The following PSMD12 variants were observed in gnomAD, a reference collection of about 807,000 sequenced individuals.
PSMD12 encodes the protein proteasome 26S subunit, non-ATPase 12.
In PSMD12, 8 loss-of-function variants were observed where a neutral mutation model predicts 62.9. The observed-to-expected ratio is 0.13, with a 90% CI of 0.07 to 0.23. The LOEUF (loss-of-function observed/expected upper bound fraction) is 0.23, where lower values mean the gene tolerates loss of function less well. PSMD12 is among the 10% of genes least tolerant of loss of function. The probability of loss-of-function intolerance (pLI) is 1.00; values close to 1 mark genes in which losing one functional copy is unlikely to be tolerated. For missense variants in PSMD12, 424 were observed against 550.2 expected, an observed-to-expected ratio of 0.77 and a Z score of 2.29; for synonymous variants, 173 against 187.4, an observed-to-expected ratio of 0.92 and a Z score of 0.63.
At chr17:67,344,864 C>A in intron 8 of PSMD12, 84 bp from the exon 9 acceptor site, 1 of 1,181,924 alleles carries the variant, frequency 8.5e-7, no homozygotes, top group South Asian at 2.0e-5. Context: ...AAAAATTCAG[C>A]AAAGACTGTT....
In PSMD12 at chr17:67,339,303, G is replaced by A. The variant is rs1381404651; in HGVS notation, c.*1540C>T. On this transcript the variant is annotated 3_prime_UTR_variant, in exon 11 of 11. Transcript: ENST00000356126. ...TTGTATTTTTTTTAGTAGAGACAGG[G>A]TTTTGCCATGTTGGCCAGGCTAGTC... is the stretch of plus-strand genomic sequence containing the variant. 2 of 152,106 alleles carry A rather than the reference G, an allele frequency of 1.3e-5. No homozygotes were observed. The highest frequency in any genetic ancestry group is 4.8e-5 in the African/African-American group (2 of 41,412). 9.4% of individuals were successfully genotyped at this position (152,106 alleles called of 1,614,324 possible).
chr17:67,360,462 GACTCT>G (rs1219338648), intron 1 of PSMD12, among the ~76,000 whole-genome samples: 1 of 152,150 alleles, frequency 6.6e-6, no homozygotes, highest in African/African-American at 2.4e-5. Flanking sequence ...CAACCATACT[GACTCT>G]ACTCTGCAAT....
intron 1 of PSMD12, among the ~76,000 whole-genome samples, chr17:67,364,901 T>C (rs1274432635): frequency 6.6e-6 from 1 of 152,156 alleles, no homozygotes; most frequent in Non-Finnish European, 1.5e-5. Context: ...TTCAGGTTTT[T>C]GGCCAGCCGC....
At position 67,356,006 on chromosome 17, in the gene PSMD12, A is replaced by G. The variant is rs540867225; in HGVS notation, c.297+1297T>C. On this transcript the variant is annotated intron_variant, in intron 3 of 10. Transcript: ENST00000356126. ...CACACACACACACACACACACACAC[A>G]CACGCACACACACACAAGATTAAAT... 8.1e-3 allele frequency among the ~76,000 whole-genome samples: 1,205 copies of G among 149,382 alleles called. 15 individuals are homozygous for G. Among genetic ancestry groups the G allele is most frequent in the African/African-American group, 0.027 (1,109 of 40,364 alleles).
At chr17:67,345,396 C>G (rs889173212) in intron 8 of PSMD12, among the ~76,000 whole-genome samples, 1 of 152,208 alleles carries the variant, frequency 6.6e-6, no homozygotes, top group African/African-American at 2.4e-5. Flanking sequence ...AATCCCAGCA[C>G]TTTGGGTGGC....
intron 4 of PSMD12, among the ~76,000 whole-genome samples, chr17:67,349,970 T>C (rs536780142): frequency 6.6e-6 from 1 of 152,198 alleles, no homozygotes; most frequent in Non-Finnish European, 1.5e-5. Context: ...TCATTTTTTT[T>C]AAAGTCACAT....
intron 1 of PSMD12, among the ~76,000 whole-genome samples, chr17:67,358,047 G>A (rs1346294298): frequency 6.6e-6 from 1 of 151,968 alleles, no homozygotes; most frequent in East Asian, 1.9e-4. Context: ...TCAGCCTCCG[G>A]AGCAGGTGGG....
At chr17:67,353,892 A>T (rs2042042468) in intron 3 of PSMD12, among the ~76,000 whole-genome samples, 1 of 152,116 alleles carries the variant, frequency 6.6e-6, no homozygotes, top group African/African-American at 2.4e-5. Context: ...TCCTTCTTTC[A>T]CATTTCTTTG....
At chr17:67,356,505 C>A (rs2042073946) in intron 3 of PSMD12, among the ~76,000 whole-genome samples, 2 of 124,474 alleles carry the variant, frequency 1.6e-5, no homozygotes, top group Admixed American at 1.9e-4. Context: ...TTGCAGTGAG[C>A]CGAGATCGCG....
chr17:67,338,088 G>A lies in PSMD12; in HGVS notation c.*2755C>T, dbSNP rs2041875731. 6.6e-6 allele frequency: 1 copy of A among 152,070 alleles called. No individual in the cohort carries two copies. Among genetic ancestry groups the A allele is most frequent in the East Asian group, 1.9e-4 (1 of 5,190 alleles). The allele number at this position is 152,070 out of a possible 1,614,324, so 9.4% of individuals were successfully genotyped here. On this transcript the variant is annotated 3_prime_UTR_variant, in exon 11 of 11. Coordinates refer to ENST00000356126, the MANE Select transcript of PSMD12 (RefSeq NM_002816.5). ...GTTTGAATTTTAAAGATGTTTTTCA[G>A]ATTCAGTAACATATGGAAATTGAGG...
intron 5 of PSMD12, among the ~76,000 whole-genome samples, chr17:67,348,096 G>C (rs1262300172): frequency 6.6e-6 from 1 of 152,140 alleles, no homozygotes; most frequent in East Asian, 1.9e-4. Context: ...TTTGTAGACT[G>C]GGTTTACGTA....
intron 4 of PSMD12, 22 bp downstream of exon 4, chr17:67,350,207 G>C: frequency 6.6e-7 from 1 of 1,506,220 alleles, no homozygotes; most frequent in Non-Finnish European, 9.2e-7. Context: ...ATCATTTTGA[G>C]TTATGTCAAC....
Position 67,339,913 on chromosome 17 carries a change from A to T in PSMD12, c.*930T>A, listed in dbSNP as rs2143674610. 6.6e-6 allele frequency: 1 copy of T among 151,756 alleles called. No homozygotes were observed. The highest frequency in any genetic ancestry group is 2.4e-5 in the African/African-American group (1 of 41,428). 9.4% of individuals were successfully genotyped at this position (151,756 alleles called of 1,614,324 possible). A position where few individuals can be genotyped will look rare whatever the true frequency, so the allele number is the denominator to read the frequency against. On this transcript the variant is annotated 3_prime_UTR_variant, in exon 11 of 11. Transcript: ENST00000356126. Reference sequence around the variant, plus strand: ...CTTTTTGCCATTTTTTTAAAGCATTAAAAAAAATTAGGTTATCCAGTGTTC... The same window carrying T: ...CTTTTTGCCATTTTTTTAAAGCATTTAAAAAAATTAGGTTATCCAGTGTTC...
chr17:67,345,845 C>T lies in PSMD12; in HGVS notation c.808G>A (p.Val270Ile). 1 of 1,612,444 alleles carries T rather than the reference C, an allele frequency of 6.2e-7. No homozygotes were observed. The highest frequency in any genetic ancestry group is 8.5e-7 in the Non-Finnish European group (1 of 1,178,462). The change falls in exon 8 of 11, where the codon GTT becomes ATT. Residue 270 changes from valine to isoleucine, a missense_variant. Transcript: ENST00000356126. ...SEKWQQALKSVVLYVILAPFD... is the reference protein window; with the variant it reads ...SEKWQQALKSIVLYVILAPFD... ...GGAGCCAGGATAACATAGAGTACAA[C>T]ACTCTTCAGAGCCTAAAAGAGTTGT...
At chr17:67,355,802 G>A (rs940616390) in intron 3 of PSMD12, among the ~76,000 whole-genome samples, 11 of 152,058 alleles carry the variant, frequency 7.2e-5, no homozygotes, top group Non-Finnish European at 1.5e-5. Context: ...TAAACAAAAT[G>A]AGCAAAATAG....
intron 1 of PSMD12, among the ~76,000 whole-genome samples, chr17:67,357,883 A>G (rs2042090456): frequency 1.3e-5 from 2 of 151,956 alleles, no homozygotes. Context: ...TTTGTTTTGG[A>G]TTCTAATTTA....
At chr17:67,363,400 C>T (rs544163096) in intron 1 of PSMD12, among the ~76,000 whole-genome samples, 4 of 152,272 alleles carry the variant, frequency 2.6e-5, no homozygotes, top group African/African-American at 9.6e-5. Context: ...CCACCTGGGC[C>T]TCCCAAAGTG....
At chr17:67,347,271 C>G in intron 6 of PSMD12, 21 bp from the exon 7 acceptor site, 1 of 1,612,588 alleles carries the variant, frequency 6.2e-7, no homozygotes, top group Non-Finnish European at 8.5e-7. Flanking sequence ...GTTGACAAAA[C>G]AAATTGGGGT....
chr17:67,350,998 C>T (rs1292927743), intron 3 of PSMD12, among the ~76,000 whole-genome samples: 1 of 152,164 alleles, frequency 6.6e-6, no homozygotes, highest in Non-Finnish European at 1.5e-5. Flanking sequence ...GTCCCAATGA[C>T]TTTATTTATA....
Sources: allele counts gnomAD v4.1 joint callset (sites outside exome capture counted in the v4.1 genomes callset), GRCh38; gene constraint gnomAD v4.1.1; transcripts MANE v1.5; gene names NCBI Gene and HGNC (gene_info 2026-07-23, HGNC 2026-07-21).